Variants in TMEM184B observed in about 807,000 individuals in gnomAD.
TMEM184B encodes putative MAPK-activating protein FM08.
A neutral mutation model predicts 41.8 loss-of-function variants in TMEM184B; 17 were observed. The ratio of observed to expected loss-of-function variants is 0.41; its 90% CI spans 0.28 to 0.61. The LOEUF (loss-of-function observed/expected upper bound fraction) is 0.61. Among genes scored for constraint, TMEM184B ranks in the 20% least tolerant of loss-of-function variants. The probability of loss-of-function intolerance (pLI) is 0.34; values close to 1 mark genes in which losing one functional copy is unlikely to be tolerated. For synonymous variants in TMEM184B, 240 were observed against 229.5 expected, an observed-to-expected ratio of 1.05 and a Z score of -0.41; for missense variants, 393 against 557.8, an observed-to-expected ratio of 0.70 and a Z score of 2.98.
chr22:38,224,314 C>G (rs1237441058), intron 8 of TMEM184B, among the ~76,000 whole-genome samples: 2 of 152,166 alleles, frequency 1.3e-5, no homozygotes, highest in South Asian at 2.1e-4. Flanking sequence ...CAGGGTTTCA[C>G]CGTGTTAGCC....
At chr22:38,230,786 A>G (rs567985619) in intron 4 of TMEM184B, 42 bp from the exon 5 acceptor site, 3 of 1,586,910 alleles carry the variant, frequency 1.9e-6, no homozygotes, top group East Asian at 2.3e-5. Context: ...GTGAGTGAAG[A>G]GCCAGGACTT....
At chr22:38,218,488 A>G (rs1380955802), downstream of TMEM184B, among the ~76,000 whole-genome samples, 1 of 152,036 alleles carries the variant, frequency 6.6e-6, no homozygotes, top group Non-Finnish European at 1.5e-5. Context: ...ACAGTGGCAC[A>G]GACCGAGGTG....
intron 1 of TMEM184B, among the ~76,000 whole-genome samples, chr22:38,252,764 G>A (rs906032326): frequency 3.3e-5 from 5 of 152,128 alleles, no homozygotes; most frequent in African/African-American, 1.2e-4. Flanking sequence ...TACTTCTCTC[G>A]GAGCCTCAGT....
Position 38,225,111 on chromosome 22 carries a change from G to A in TMEM184B, c.788-132C>T, listed in dbSNP as rs2091392099. The A allele has an allele frequency of 9.0e-7, 1 of 1,110,598 alleles. No homozygotes were observed. Among genetic ancestry groups the A allele is most frequent in the Admixed American group, 2.9e-5 (1 of 34,424 alleles). 68.8% of individuals were successfully genotyped at this position (1,110,598 alleles called of 1,614,324 possible). On this transcript the variant is annotated intron_variant, in intron 7 of 8. Transcript: ENST00000361906. This position sits in a 1 kb window ranked among gnomAD's most constrained non-coding sequence, Gnocchi z 4.4. ...GCAGGGCCACAGCTGCTCCTGCAGG[G>A]CAGGGGTAGCGACACAAGGCCACAG...
At position 38,220,804 on chromosome 22, in the gene TMEM184B, A is replaced by C. The variant is rs926182303; in HGVS notation, c.*665T>G. The stretch of plus-strand genomic sequence containing the variant: ...GTGGCCACGACAGGTGGGGATACCC[A>C]GGGGCCCAGAAGCCCCTGCTTCAAC... On this transcript the variant is annotated 3_prime_UTR_variant, in exon 9 of 9. Coordinates refer to ENST00000361906, the MANE Select transcript of TMEM184B (RefSeq NM_012264.5). 9 of 985,958 alleles carry C rather than the reference A, an allele frequency of 9.1e-6. No homozygotes were observed. Among genetic ancestry groups the C allele is most frequent in the Non-Finnish European group, 8.4e-6 (7 of 830,112 alleles). 61.1% of individuals were successfully genotyped at this position (985,958 alleles called of 1,614,324 possible).
At chr22:38,243,048 CAAA>C (rs11394732) in intron 3 of TMEM184B, among the ~76,000 whole-genome samples, 3 of 84,526 alleles carry the variant, frequency 3.5e-5, no homozygotes, top group Admixed American at 1.3e-4. Context: ...GCAACGGTCT[CAAA>C]AAAAAAAAAA....
chr22:38,272,603 G>C, intron 1 of TMEM184B: 1 of 985,566 alleles, frequency 1.0e-6, no homozygotes, highest in African/African-American at 1.7e-5. Flanking sequence ...CCCCGGACAG[G>C]TCCGATTACA....
At chr22:38,256,674 C>T (rs896226896) in intron 1 of TMEM184B, among the ~76,000 whole-genome samples, 14 of 152,174 alleles carry the variant, frequency 9.2e-5, no homozygotes, top group African/African-American at 3.4e-4. Context: ...TTCAAACATA[C>T]AAAACTGGAA....
rs1332732410 is a variant in TMEM184B, at chr22:38,224,912, C to T, written c.855G>A (p.Val285=). The change falls in exon 8 of 9, where the codon GTG becomes GTA. Residue 285 remains valine (V), a synonymous_variant. Transcript: ENST00000361906. ...AGCCGGCAGCCACGGTGCCCTCGCC[C>T]ACCGACACGCGGGCCGAGTGGATTT... ...IPKIHSARVS[V]GEGTVAAGYQ... is the part of the protein sequence containing the mutation. 1 of 1,612,536 alleles carries T rather than the reference C, an allele frequency of 6.2e-7. No individual in the cohort carries two copies. Among genetic ancestry groups the T allele is most frequent in the Non-Finnish European group, 8.5e-7 (1 of 1,179,464 alleles).
chr22:38,260,673 G>A (rs911990729), intron 1 of TMEM184B, among the ~76,000 whole-genome samples: 2 of 152,198 alleles, frequency 1.3e-5, no homozygotes, highest in African/African-American at 4.8e-5. Context: ...GGAATAATGA[G>A]TGAACACAGA....
intron 1 of TMEM184B, among the ~76,000 whole-genome samples, chr22:38,266,805 C>T (rs1005632965): frequency 1.1e-4 from 16 of 152,144 alleles, no homozygotes; most frequent in African/African-American, 3.4e-4. Flanking sequence ...CAAGTACGGC[C>T]GGGTACGGTG....
At chr22:38,231,640 G>A (rs907533927) in intron 3 of TMEM184B, 3 of 517,796 alleles carry the variant, frequency 5.8e-6, no homozygotes, top group Non-Finnish European at 1.1e-5. Flanking sequence ...GGAGGCTGAG[G>A]TAAGGGTGGG....
At chr22:38,246,695 C>G (rs1398756598) in intron 2 of TMEM184B, 1 of 834,954 alleles carries the variant, frequency 1.2e-6, no homozygotes, top group Non-Finnish European at 1.6e-6. Flanking sequence ...ACCACTGCTG[C>G]TCTGTTTAGT....
chr22:38,227,864 G>A (rs147103771), intron 5 of TMEM184B, among the ~76,000 whole-genome samples: 2 of 152,284 alleles, frequency 1.3e-5, no homozygotes, highest in Admixed American at 6.5e-5. Context: ...AGGTTTTCCC[G>A]ATTCCCTACG....
intron 1 of TMEM184B, among the ~76,000 whole-genome samples, chr22:38,257,213 GA>G (rs1327816789): frequency 6.6e-6 from 1 of 151,712 alleles, no homozygotes; most frequent in African/African-American, 2.4e-5. Context: ...CTACGTAACA[GA>G]ATTTTCTAGT....
At position 38,225,602 on chromosome 22, in the gene TMEM184B, C is replaced by T. The variant is rs370859600; in HGVS notation, c.618-9G>A. ...GGTAGCCACTGGTGACGCTGCGGGA[C>T]GGGGAGCATTTTCTGGCTGGGACAG... On this transcript the variant is annotated splice_polypyrimidine_tract_variant and intron_variant, in intron 6 of 8. Coordinates refer to ENST00000361906, the MANE Select transcript of TMEM184B (RefSeq NM_012264.5). The surrounding 1 kb of genome is among the most constrained non-coding windows in gnomAD (Gnocchi z 4.4). 272 of 1,600,884 alleles carry T rather than the reference C, an allele frequency of 1.7e-4. 3 individuals carry two copies. Among genetic ancestry groups the T allele is most frequent in the South Asian group, 1.3e-3 (121 of 89,672 alleles).
At chr22:38,232,664 C>T (rs140215122) in intron 3 of TMEM184B, among the ~76,000 whole-genome samples, 151 of 152,266 alleles carry the variant, frequency 9.9e-4, no homozygotes, top group African/African-American at 3.2e-3. Flanking sequence ...CATCTGACCC[C>T]GCCAGCCCCT....
chr22:38,257,554 A>G (rs926457002), intron 1 of TMEM184B, among the ~76,000 whole-genome samples: 10 of 152,022 alleles, frequency 6.6e-5, no homozygotes, highest in African/African-American at 2.2e-4. Flanking sequence ...ACTCTCTCTC[A>G]CTGATCACGA....
At chr22:38,227,667 G>A (rs1200253559) in intron 5 of TMEM184B, among the ~76,000 whole-genome samples, 1 of 152,148 alleles carries the variant, frequency 6.6e-6, no homozygotes, top group Non-Finnish European at 1.5e-5. Context: ...GACAGCTTGG[G>A]CAGACACTTG....
Sources: gnomAD v4.1 joint callset for allele counts (sites outside exome capture counted in the v4.1 genomes callset) on GRCh38, gnomAD v4.1.1 for gene constraint, Gnocchi (gnomAD v3.1) non-coding constraint, MANE v1.5 for transcripts, NCBI Gene and HGNC (gene_info 2026-07-23, HGNC 2026-07-21) for gene names.